CDKN3: variants seen among roughly 807,000 people sequenced by gnomAD.
The protein encoded by CDKN3 is cyclin dependent kinase inhibitor 3, also known as cyclin-dependent kinase inhibitor 3.
A neutral mutation model predicts 36.1 loss-of-function variants in CDKN3; 19 were observed. That is an observed-to-expected ratio of 0.53 (90% CI 0.37 to 0.77). CDKN3 has a LOEUF of 0.77. Ranked by LOEUF, CDKN3 falls within the 30% of genes least tolerant of loss-of-function variation. CDKN3 has a pLI of 0.00. For missense variants in CDKN3, 188 were observed against 248.6 expected, an observed-to-expected ratio of 0.76 and a Z score of 1.64; for synonymous variants, 71 against 85.3, an observed-to-expected ratio of 0.83 and a Z score of 0.92.
chr14:54,415,492 C>T (rs900533439), intron 5 of CDKN3, among the ~76,000 whole-genome samples: 1 of 152,228 alleles, frequency 6.6e-6, no homozygotes, highest in South Asian at 2.1e-4. Flanking sequence ...TACCCTATCT[C>T]TGGACTCCTT....
chr14:54,407,744 A>C (rs2030210553), intron 3 of CDKN3, among the ~76,000 whole-genome samples: 2 of 152,222 alleles, frequency 1.3e-5, no homozygotes, highest in South Asian at 4.1e-4. Context: ...CTGTGCTGGC[A>C]GTGAGAATTT....
rs891491691 is a variant in CDKN3, at chr14:54,420,156, C to T, written c.*78C>T. 5.2e-6 allele frequency: 4 copies of T among 775,226 alleles called. No homozygotes were observed. The highest frequency in any genetic ancestry group is 8.6e-6 in the Non-Finnish European group (4 of 466,186). 48.0% of individuals were successfully genotyped at this position (775,226 alleles called of 1,614,324 possible). On this transcript the variant is annotated 3_prime_UTR_variant, in exon 8 of 8. Transcript: ENST00000335183. ...ATAATTTGTATTGAAATGAAACCACCAGTGTTATCAACTTGAATGTAAATG... is the reference window on the plus strand; with the variant it reads ...ATAATTTGTATTGAAATGAAACCACTAGTGTTATCAACTTGAATGTAAATG...
At chr14:54,411,147 C>T (rs767992242) in intron 4 of CDKN3, 15 of 183,252 alleles carry the variant, frequency 8.2e-5, no homozygotes, top group South Asian at 3.1e-4. Context: ...CATTGCACTC[C>T]GGCCTGGTGA....
intron 1 of CDKN3, 27 bp downstream of exon 1, chr14:54,397,104 G>T: frequency 6.7e-7 from 1 of 1,489,822 alleles, no homozygotes. Context: ...GGGGTTTGGA[G>T]GAGCGAGGCG....
intron 3 of CDKN3, among the ~76,000 whole-genome samples, chr14:54,407,637 T>C (rs2030206823): frequency 6.6e-6 from 1 of 152,148 alleles, no homozygotes; most frequent in South Asian, 2.1e-4. Flanking sequence ...ACTGGCTTTG[T>C]TTACACTGTG....
At chr14:54,400,085 G>A in intron 2 of CDKN3, 109 bp downstream of exon 2, 4 of 662,528 alleles carry the variant, frequency 6.0e-6, no homozygotes, top group Non-Finnish European at 1.1e-5. Context: ...TATTGAAAAT[G>A]TTAAGGGATT....
intron 3 of CDKN3, among the ~76,000 whole-genome samples, chr14:54,401,950 C>T (rs2029960741): frequency 1.3e-5 from 2 of 152,146 alleles, no homozygotes; most frequent in Admixed American, 1.3e-4. Flanking sequence ...TCACTCACAC[C>T]CGTAATCCCA....
At chr14:54,407,154 C>G (rs1327785056) in intron 3 of CDKN3, among the ~76,000 whole-genome samples, 1 of 152,176 alleles carries the variant, frequency 6.6e-6, no homozygotes, top group Non-Finnish European at 1.5e-5. Flanking sequence ...ACCCTGTTTT[C>G]CTGGGTATCA....
At chr14:54,412,711 CAA>C (rs1399670476) in intron 5 of CDKN3, 3 of 339,330 alleles carry the variant, frequency 8.8e-6, no homozygotes, top group Admixed American at 6.6e-5. Flanking sequence ...GGATAAAAAA[CAA>C]GAGATGCTCT....
At chr14:54,404,351 G>A (rs895053523) in intron 3 of CDKN3, among the ~76,000 whole-genome samples, 1 of 152,104 alleles carries the variant, frequency 6.6e-6, no homozygotes, top group Non-Finnish European at 1.5e-5. Context: ...GGTGTTTATA[G>A]TATTCTCTGA....
At chr14:54,418,693 T>A (rs2030630151) in intron 7 of CDKN3, among the ~76,000 whole-genome samples, 1 of 152,222 alleles carries the variant, frequency 6.6e-6, no homozygotes. Context: ...GAGCCCATCT[T>A]CCCAGGGTTG....
At chr14:54,416,384 C>A (rs2030551021) in intron 6 of CDKN3, among the ~76,000 whole-genome samples, 1 of 151,894 alleles carries the variant, frequency 6.6e-6, no homozygotes, top group Non-Finnish European at 1.5e-5. Context: ...TGGATGATAT[C>A]AAAATTGAAA....
At chr14:54,397,262 G>A (rs986632768) in intron 1 of CDKN3, among the ~76,000 whole-genome samples, 185 bp downstream of exon 1, 6 of 152,394 alleles carry the variant, frequency 3.9e-5, no homozygotes, top group African/African-American at 1.2e-4. Flanking sequence ...GAAGGAGCAG[G>A]GTCGGTGGCC....
At chr14:54,418,348 A>C (rs2030618226) in intron 7 of CDKN3, 3 of 685,548 alleles carry the variant, frequency 4.4e-6, no homozygotes, top group Non-Finnish European at 7.9e-6. Flanking sequence ...AAATCTATGG[A>C]AGATCTTGTT....
chr14:54,401,657 G>A, intron 3 of CDKN3, 78 bp downstream of exon 3: 1 of 1,038,688 alleles, frequency 9.6e-7, no homozygotes, highest in Non-Finnish European at 1.4e-6. Flanking sequence ...GCTTTTGGGG[G>A]GACAGGTGGT....
intron 3 of CDKN3, 82 bp downstream of exon 3, chr14:54,401,661 A>G: frequency 9.8e-7 from 1 of 1,025,512 alleles, no homozygotes; most frequent in Non-Finnish European, 1.4e-6. Flanking sequence ...TTGGGGGGAC[A>G]GGTGGTGTTT....
At chr14:54,400,481 A>G (rs2029901931) in intron 2 of CDKN3, among the ~76,000 whole-genome samples, 1 of 152,238 alleles carries the variant, frequency 6.6e-6, no homozygotes, top group African/African-American at 2.4e-5. Flanking sequence ...TGTTTAAGAT[A>G]AAAGCCACAT....
chr14:54,400,085 G>C (rs1886431331), intron 2 of CDKN3, 109 bp downstream of exon 2: 2 of 662,528 alleles, frequency 3.0e-6, no homozygotes, highest in Non-Finnish European at 5.5e-6. Context: ...TATTGAAAAT[G>C]TTAAGGGATT....
chr14:54,397,399 G>A lies in CDKN3; in HGVS notation c.9+322G>A, dbSNP rs187918304. ...AGCCTCGTTGTACCGAGGAAACCGA[G>A]CCGAAGAGCTTGAGTGTCAGCGATG... On this transcript the variant is annotated intron_variant, in intron 1 of 7. Transcript: ENST00000335183. Among the ~76,000 whole-genome samples the A allele has an allele frequency of 2.6e-5, 4 of 152,400 alleles. No homozygotes were observed. In the East Asian group the frequency reaches 7.7e-4, roughly 29 times the overall value.
Sources: gnomAD v4.1 joint callset for allele counts (sites outside exome capture counted in the v4.1 genomes callset) on GRCh38, gnomAD v4.1.1 for gene constraint, MANE v1.5 for transcripts, NCBI Gene and HGNC (gene_info 2026-07-23, HGNC 2026-07-21) for gene names.